The following SCN3A variants were observed in gnomAD, a reference collection of about 807,000 sequenced individuals.
SCN3A encodes sodium channel protein type 3 subunit alpha.
Under a neutral mutation model 187.6 loss-of-function variants are expected in SCN3A, and 60 were observed. The observed-to-expected ratio is 0.32, with a 90% CI of 0.26 to 0.40. SCN3A has a LOEUF of 0.40. Ranked by LOEUF, SCN3A falls within the 10% of genes least tolerant of loss-of-function variation. The pLI, the probability that SCN3A is intolerant of heterozygous loss-of-function variation, is 1.00. For missense variants in SCN3A, 1,601 were observed against 2,428.2 expected, an observed-to-expected ratio of 0.66 and a Z score of 7.16; for synonymous variants, 788 against 829.2, an observed-to-expected ratio of 0.95 and a Z score of 0.85.
chr2:165,188,600 C>T (rs900942254), intron 1 of SCN3A, among the ~76,000 whole-genome samples: 12 of 151,836 alleles, frequency 7.9e-5, no homozygotes, highest in Non-Finnish European at 1.6e-4. Context: ...CCAGCCTGAC[C>T]AACATGGTGA....
chr2:165,167,498 T>C (rs1178685075), intron 5 of SCN3A, among the ~76,000 whole-genome samples: 1 of 152,182 alleles, frequency 6.6e-6, no homozygotes, highest in Non-Finnish European at 1.5e-5. Flanking sequence ...TATCTCCGAT[T>C]GTACATTACT....
chr2:165,154,628 T>C lies in SCN3A; in HGVS notation c.1204A>G (p.Ile402Val). ...AAGAAAATGACCAGGACAAAAAATA[T>C]CATGTATGTTTTCCCAGCAGCACGT... is the stretch of plus-strand genomic sequence containing the variant. ...TLRAAGKTYM[I>V]FFVLVIFLGS... is the part of the protein sequence containing the mutation. The change falls in exon 11 of 28, where the codon ATA becomes GTA. Residue 402 changes from isoleucine to valine, a missense_variant. This residue lies in a region of SCN3A where 47 missense variants were observed against 105.8 expected (regional missense o/e 0.44). Coordinates refer to ENST00000283254, the MANE Select transcript of SCN3A (RefSeq NM_006922.4). 1.2e-6 allele frequency: 2 copies of C among 1,614,056 alleles called. No individual in the cohort carries two copies. The highest frequency in any genetic ancestry group is 1.7e-6 in the Non-Finnish European group (2 of 1,179,980).
intron 10 of SCN3A, among the ~76,000 whole-genome samples, chr2:165,155,271 T>C (rs1688947741): frequency 6.6e-6 from 1 of 152,200 alleles, no homozygotes; most frequent in African/African-American, 2.4e-5. Flanking sequence ...TTAGGATTCC[T>C]GGCACACTTG....
At chr2:165,120,399 T>G (rs1686596877) in intron 18 of SCN3A, among the ~76,000 whole-genome samples, 1 of 151,842 alleles carries the variant, frequency 6.6e-6, no homozygotes, top group African/African-American at 2.4e-5. Context: ...TGCTCTTGAT[T>G]TTTATCCAAT....
At chr2:165,162,903 T>C in intron 7 of SCN3A, 75 bp from the exon 8 acceptor site, 1 of 1,543,900 alleles carries the variant, frequency 6.5e-7, no homozygotes, top group Non-Finnish European at 9.0e-7. Context: ...ACACACATTC[T>C]CTTTCCCCCA....
At chr2:165,180,351 A>G (rs148756458) in intron 2 of SCN3A, among the ~76,000 whole-genome samples, 7 of 152,348 alleles carry the variant, frequency 4.6e-5, no homozygotes, top group Non-Finnish European at 8.8e-5. Context: ...ACAGATAATT[A>G]TAACACAGTT....
chr2:165,145,722 T>C (rs780482004), intron 12 of SCN3A, among the ~76,000 whole-genome samples: 1 of 152,076 alleles, frequency 6.6e-6, no homozygotes, highest in Non-Finnish European at 1.5e-5. Flanking sequence ...AAATATATCA[T>C]ACCCCTTGGT....
chr2:165,180,091 C>T (rs1034178370), intron 2 of SCN3A, among the ~76,000 whole-genome samples: 2 of 151,952 alleles, frequency 1.3e-5, no homozygotes, highest in Non-Finnish European at 2.9e-5. Context: ...TAACTAAAAA[C>T]CAAAAAGCCT....
chr2:165,154,364 G>T, intron 11 of SCN3A, 88 bp downstream of exon 11: 1 of 1,383,502 alleles, frequency 7.2e-7, no homozygotes, highest in Admixed American at 1.9e-5. Flanking sequence ...TGAAAAAGCA[G>T]TTCCAATCTA....
chr2:165,185,792 T>C (rs927538595), intron 2 of SCN3A, among the ~76,000 whole-genome samples: 1 of 152,118 alleles, frequency 6.6e-6, no homozygotes, highest in African/African-American at 2.4e-5. Flanking sequence ...GTTCAAAAAC[T>C]TGACCAATTC....
chr2:165,146,433 T>TAC (rs5836019), intron 12 of SCN3A, among the ~76,000 whole-genome samples: 32,530 of 147,190 alleles, frequency 0.22, 3,688 homozygotes, highest in East Asian at 0.3. Context: ...GACACATATA[T>TAC]ACACACATAT....
intron 1 of SCN3A, among the ~76,000 whole-genome samples, chr2:165,189,364 G>T (rs1465911188): frequency 6.6e-6 from 1 of 152,120 alleles, no homozygotes; most frequent in African/African-American, 2.4e-5. Context: ...GAGATAAGAT[G>T]GTCCAGAAAC....
At chr2:165,189,891 G>GAT (rs1218904368) in intron 1 of SCN3A, among the ~76,000 whole-genome samples, 1 of 151,800 alleles carries the variant, frequency 6.6e-6, no homozygotes, top group African/African-American at 2.4e-5. Flanking sequence ...CTGATGACAT[G>GAT]ATATACCTGC....
At chr2:165,195,303 G>A (rs916831232) in intron 1 of SCN3A, 1 of 152,146 alleles carries the variant, frequency 6.6e-6, no homozygotes, top group Admixed American at 6.6e-5. Flanking sequence ...CGTGTGCCAG[G>A]TGTGCCACCT....
At chr2:165,184,248 T>C (rs1691079048) in intron 2 of SCN3A, among the ~76,000 whole-genome samples, 2 of 152,070 alleles carry the variant, frequency 1.3e-5, no homozygotes, top group African/African-American at 4.8e-5. Context: ...TCAATAGTTT[T>C]GAAATAACAC....
chr2:165,112,425 T>C (rs1043400151), intron 21 of SCN3A, among the ~76,000 whole-genome samples: 2 of 152,206 alleles, frequency 1.3e-5, no homozygotes, highest in African/African-American at 2.4e-5. Flanking sequence ...AGTCAGTACA[T>C]GGGTTAATTT....
At chr2:165,168,896 A>G in intron 4 of SCN3A, 71 bp from the exon 5 acceptor site, 3 of 1,072,196 alleles carry the variant, frequency 2.8e-6, no homozygotes, top group Non-Finnish European at 4.3e-6. Context: ...AAACACACAA[A>G]AAAGTTTATC....
chr2:165,179,471 T>C (rs927358334), intron 2 of SCN3A: 4 of 152,244 alleles, frequency 2.6e-5, no homozygotes, highest in African/African-American at 7.2e-5. Context: ...TCACAAATTA[T>C]TCTGATTTAT....
chr2:165,113,999 A>G, intron 19 of SCN3A, 29 bp from the exon 20 acceptor site: 1 of 1,378,314 alleles, frequency 7.3e-7, no homozygotes, highest in Non-Finnish European at 1.0e-6. Context: ...TAATTAAAAA[A>G]TATATTTTAA....
Sources: allele counts gnomAD v4.1 joint callset (sites outside exome capture counted in the v4.1 genomes callset), GRCh38; gene constraint gnomAD v4.1.1; regional missense constraint gnomAD v4.1.1; transcripts MANE v1.5; gene names NCBI Gene and HGNC (gene_info 2026-07-23, HGNC 2026-07-21).